Variants in CHD9 observed in about 807,000 individuals in gnomAD.
CHD9 encodes chromodomain helicase DNA binding protein 9.
In CHD9, 77 loss-of-function variants were observed where a neutral mutation model predicts 316.1. The ratio of observed to expected loss-of-function variants is 0.24; its 90% CI spans 0.20 to 0.29. The LOEUF (loss-of-function observed/expected upper bound fraction) is 0.29, where lower values mean the gene tolerates loss of function less well. CHD9 is among the 10% of genes least tolerant of loss of function. The probability of loss-of-function intolerance (pLI) is 1.00; values close to 1 mark genes in which losing one functional copy is unlikely to be tolerated. For synonymous variants in CHD9, 1,129 were observed against 1,158.3 expected, an observed-to-expected ratio of 0.97 and a Z score of 0.51; for missense variants, 2,763 against 3,438.1, an observed-to-expected ratio of 0.80 and a Z score of 4.91.
chr16:53,257,516 A>G (rs1449388183), intron 19 of CHD9, among the ~76,000 whole-genome samples: 1 of 152,194 alleles, frequency 6.6e-6, no homozygotes, highest in African/African-American at 2.4e-5. Context: ...ACTTGAATCA[A>G]TAGGTGTAGA....
chr16:53,303,985 A>G lies in CHD9; in HGVS notation c.5979A>G (p.Ser1993=), dbSNP rs758189618. 2 of 1,614,012 alleles carry G rather than the reference A, an allele frequency of 1.2e-6. No individual in the cohort carries two copies. The highest frequency in any genetic ancestry group is 4.5e-5 in the East Asian group (2 of 44,886). The change falls in exon 31 of 39, where the codon TCA becomes TCG. Residue 1993 remains serine (S), a synonymous_variant. Coordinates refer to ENST00000447540, the MANE Select transcript of CHD9 (RefSeq NM_001308319.2). ...DYHILRDPEL[S]FMAAQRNYSQ... The stretch of plus-strand genomic sequence containing the variant: ...ACATTCTTCGTGATCCTGAACTCTC[A>G]TTTATGGCAGCTCAGAGGAACTACA...
At chr16:53,243,903 C>T (rs2049324065) in intron 13 of CHD9, among the ~76,000 whole-genome samples, 1 of 152,154 alleles carries the variant, frequency 6.6e-6, no homozygotes, top group South Asian at 2.1e-4. Flanking sequence ...GAACCACATT[C>T]TGTAAAAACT....
At chr16:53,257,258 A>G (rs1183656632) in intron 19 of CHD9, among the ~76,000 whole-genome samples, 1 of 152,198 alleles carries the variant, frequency 6.6e-6, no homozygotes, top group Admixed American at 6.5e-5. Flanking sequence ...ACGGTGAAGG[A>G]GTTAGGGAAG....
At chr16:53,071,451 G>C (rs931160341) in intron 1 of CHD9, among the ~76,000 whole-genome samples, 4 of 152,144 alleles carry the variant, frequency 2.6e-5, no homozygotes, top group African/African-American at 9.7e-5. Context: ...TCACCCCACT[G>C]TGATTGTAAG....
intron 1 of CHD9, among the ~76,000 whole-genome samples, chr16:53,135,677 A>C (rs2152693005): frequency 6.6e-6 from 1 of 152,346 alleles, no homozygotes; most frequent in East Asian, 1.9e-4. Flanking sequence ...CAAGTGCTTC[A>C]GAAGAAGTCT....
intron 1 of CHD9, among the ~76,000 whole-genome samples, chr16:53,056,058 T>C (rs1325725500): frequency 6.6e-6 from 1 of 152,204 alleles, no homozygotes; most frequent in East Asian, 1.9e-4. Flanking sequence ...TGAGCCCTTA[T>C]GTTTGTTTGT....
In CHD9 at chr16:53,110,638, C is replaced by T. The variant is rs190752200; in HGVS notation, c.-164-45288C>T. Among the ~76,000 whole-genome samples, 485 of 152,180 alleles carry T rather than the reference C, an allele frequency of 3.2e-3. 1 individual carries two copies. Among genetic ancestry groups the T allele is most frequent in the Non-Finnish European group, 4.9e-3 (330 of 68,026 alleles). ...ATTAGCCAGGCGTGCTGGTGTGCAC[C>T]TGTAGTTCCAGCTAGTTGGAGGCTG... On this transcript the variant is annotated intron_variant, in intron 1 of 38. Coordinates refer to ENST00000447540, the MANE Select transcript of CHD9 (RefSeq NM_001308319.2).
At chr16:53,140,549 A>G (rs758500239) in intron 1 of CHD9, among the ~76,000 whole-genome samples, 1 of 152,206 alleles carries the variant, frequency 6.6e-6, no homozygotes, top group Non-Finnish European at 1.5e-5. Context: ...TATCAGCCCA[A>G]AATTCGTTAC....
At chr16:53,278,749 C>A (rs1190078606) in intron 24 of CHD9, among the ~76,000 whole-genome samples, 1 of 152,152 alleles carries the variant, frequency 6.6e-6, no homozygotes, top group Non-Finnish European at 1.5e-5. Flanking sequence ...CCAACAGACA[C>A]ATGAAAAAAT....
intron 24 of CHD9, among the ~76,000 whole-genome samples, chr16:53,276,632 G>A (rs188532270): frequency 7.9e-5 from 12 of 152,060 alleles, no homozygotes; most frequent in South Asian, 2.1e-4. Flanking sequence ...CATGGAACTC[G>A]TTTCTTCTTA....
chr16:53,062,319 G>A (rs920563339), intron 1 of CHD9, among the ~76,000 whole-genome samples: 1 of 152,186 alleles, frequency 6.6e-6, no homozygotes, highest in Admixed American at 6.5e-5. Flanking sequence ...TATCTTTACA[G>A]TTTCCACCTG....
chr16:53,231,780 G>T lies in CHD9; in HGVS notation c.2507G>T (p.Arg836Leu), dbSNP rs780017286. The part of the protein sequence containing the change: ...QLQASRPDTR[R>L]LDRPPSNIWK... ...CAAGCTTCAAGGCCTGACACAAGAC[G>T]TTTGGTAAGAACCTGTTTTAGACAG... The change falls in exon 10 of 39, where the codon CGT (arginine) becomes CTT (leucine). Residue 836 changes from arginine to leucine, a missense_variant. By Grantham distance (102) the Arg-to-Leu change is moderately radical (BLOSUM62 -2). Transcript: ENST00000447540. 1 of 1,596,066 alleles carries T rather than the reference G, an allele frequency of 6.3e-7. No homozygotes were observed. The highest frequency in any genetic ancestry group is 8.5e-7 in the Non-Finnish European group (1 of 1,175,130).
At chr16:53,261,094 G>GAAA (rs2051046624) in intron 19 of CHD9, among the ~76,000 whole-genome samples, 1 of 83,960 alleles carries the variant, frequency 1.2e-5, no homozygotes, top group African/African-American at 5.2e-5. Flanking sequence ...TTTAGAGAAA[G>GAAA]CAAAAAAAAA....
At chr16:53,110,946 C>A (rs2037817689) in intron 1 of CHD9, among the ~76,000 whole-genome samples, 2 of 152,116 alleles carry the variant, frequency 1.3e-5, no homozygotes, top group South Asian at 4.1e-4. Flanking sequence ...ATCTGGTCAA[C>A]CTGACAGTTT....
At chr16:53,112,617 G>T (rs2037954143) in intron 1 of CHD9, among the ~76,000 whole-genome samples, 1 of 152,018 alleles carries the variant, frequency 6.6e-6, no homozygotes. Context: ...TCCTATAACT[G>T]GATTTTTTTT....
intron 1 of CHD9, among the ~76,000 whole-genome samples, chr16:53,117,427 T>TA (rs1491091721): frequency 6.8e-4 from 103 of 150,756 alleles, no homozygotes; most frequent in African/African-American, 2.3e-3. Flanking sequence ...TATATATATA[T>TA]TTTTGGAAAC....
At chr16:53,213,613 G>T (rs2046502730) in intron 3 of CHD9, among the ~76,000 whole-genome samples, 1 of 152,180 alleles carries the variant, frequency 6.6e-6, no homozygotes, top group South Asian at 2.1e-4. Flanking sequence ...GAGTTAGGAT[G>T]AATTTTACTG....
chr16:53,147,673 G>C (rs551020522), intron 1 of CHD9, among the ~76,000 whole-genome samples: 1 of 152,186 alleles, frequency 6.6e-6, no homozygotes, highest in South Asian at 2.1e-4. Context: ...TCCATGTTGT[G>C]GCATGTATCA....
chr16:53,264,279 A>G lies in CHD9; in HGVS notation c.4320+1182A>G, dbSNP rs548849436. Among the ~76,000 whole-genome samples, 8 of 152,236 alleles carry G rather than the reference A, an allele frequency of 5.3e-5. No individual in the cohort carries two copies. In the South Asian group the frequency reaches 1.7e-3, roughly 32 times the overall value. On this transcript the variant is annotated intron_variant, in intron 20 of 38. Transcript: ENST00000447540. ...TTTTGGAAGAATATTTAATGCACTC[A>G]GGAATCGGCCCTGCAGCAATAAGCA...
Sources: gnomAD v4.1 joint callset for allele counts (sites outside exome capture counted in the v4.1 genomes callset) on GRCh38, gnomAD v4.1.1 for gene constraint, MANE v1.5 for transcripts, NCBI Gene and HGNC (gene_info 2026-07-23, HGNC 2026-07-21) for gene names.